Variants in SPATA7 observed in about 807,000 individuals in gnomAD.
SPATA7 encodes the protein spermatogenesis associated 7.
A neutral mutation model predicts 51.8 loss-of-function variants in SPATA7; 43 were observed. That is an observed-to-expected ratio of 0.83 (90% CI 0.65 to 1.07). The LOEUF (loss-of-function observed/expected upper bound fraction) is 1.07. SPATA7 is among the 50% of genes least tolerant of loss of function. The pLI is 0.00. For synonymous variants in SPATA7, 230 were observed against 252.8 expected, an observed-to-expected ratio of 0.91 and a Z score of 0.86; for missense variants, 683 against 701.3, an observed-to-expected ratio of 0.97 and a Z score of 0.30.
intron 5 of SPATA7, among the ~76,000 whole-genome samples, 194 bp from the exon 6 acceptor site, chr14:88,426,038 T>A (rs2076781428): frequency 6.6e-6 from 1 of 152,242 alleles, no homozygotes; most frequent in East Asian, 1.9e-4. Context: ...CTATTACTTA[T>A]ATTTGGAATT....
Position 88,385,664 on chromosome 14 carries a change from C to A in SPATA7, c.-155C>A. On this transcript the variant is annotated 5_prime_UTR_variant, in exon 1 of 12. Coordinates refer to ENST00000393545, the MANE Select transcript of SPATA7 (RefSeq NM_018418.5). ...ACGTCACAATAGCGACTCACTGGACCCAGCCCTTAGCAACGGCCTGGCAAC... is the reference window on the plus strand; with the variant it reads ...ACGTCACAATAGCGACTCACTGGACACAGCCCTTAGCAACGGCCTGGCAAC... 1 of 758,928 alleles carries A rather than the reference C, an allele frequency of 1.3e-6. No homozygotes were observed. Among genetic ancestry groups the A allele is most frequent in the Non-Finnish European group, 2.3e-6 (1 of 434,984 alleles). 47.0% of individuals were successfully genotyped at this position (758,928 alleles called of 1,614,324 possible).
Position 88,416,716 on chromosome 14 carries a change from G to A in SPATA7, c.244G>A (p.Asp82Asn). The A allele has an allele frequency of 6.2e-7, 1 of 1,612,990 alleles. No individual in the cohort carries two copies. Reference sequence around the variant, plus strand: ...AGATTTGTTTTCCCTTTTAGATGCAGACCAACAACGAAGAGAGAAACTCAA... The same window carrying A: ...AGATTTGTTTTCCCTTTTAGATGCAAACCAACAACGAAGAGAGAAACTCAA... Reference protein sequence around the residue: ...VSVSTSIKYADQQRREKLKKE... With the variant: ...VSVSTSIKYANQQRREKLKKE... Residue 82 changes from aspartate (D) to asparagine (N), a missense_variant, in exon 5 of 12, where the codon GAC becomes AAC. By Grantham distance (23) the Asp-to-Asn change is conservative. Coordinates refer to ENST00000393545, the MANE Select transcript of SPATA7 (RefSeq NM_018418.5).
At chr14:88,448,862 G>T (rs554111252) in intron 3 of SPATA7, among the ~76,000 whole-genome samples, 1 of 152,262 alleles carries the variant, frequency 6.6e-6, no homozygotes, top group East Asian at 1.9e-4. Flanking sequence ...CCAGCTGCGT[G>T]CTGGGAGAAC....
chr14:88,437,883 T>C lies in SPATA7; in HGVS notation c.1261T>C (p.Cys421Arg), dbSNP rs1404209679. 5.6e-6 allele frequency: 9 copies of C among 1,609,878 alleles called. No homozygotes were observed. Among genetic ancestry groups the C allele is most frequent in the Non-Finnish European group, 7.6e-6 (9 of 1,177,992 alleles). The change falls in exon 12 of 12, where the codon TGC (cysteine) becomes CGC (arginine). Residue 421 changes from cysteine to arginine, a missense_variant. Physicochemically the swap from Cys to Arg is radical, Grantham distance 180 (BLOSUM62 -3). Transcript: ENST00000393545. ...LLHVLKVDLG[C>R]TSEENSVKQN... is the part of the protein sequence containing the mutation. ...GCATGTCCTGAAAGTAGACTTAGGC[T>C]GCACATCGGAGGAAAACTCGGTAAA...
At chr14:88,388,838 A>G (rs2075657019) in intron 1 of SPATA7, among the ~76,000 whole-genome samples, 1 of 152,222 alleles carries the variant, frequency 6.6e-6, no homozygotes, top group African/African-American at 2.4e-5. Context: ...AGTTTCTCCC[A>G]AAGACTGGGG....
chr14:88,404,023 CT>C (rs2076139746), intron 4 of SPATA7, among the ~76,000 whole-genome samples: 1 of 148,648 alleles, frequency 6.7e-6, no homozygotes. Flanking sequence ...TACAGTTTGT[CT>C]GCTATACCTT....
chr14:88,431,257 A>G lies in SPATA7; in HGVS notation c.1082+32A>G, dbSNP rs376148770. On this transcript the variant is annotated intron_variant, in intron 9 of 11. Transcript: ENST00000393545. ...TCTTTTTTAAGTCTTCGTTTTGCAT[A>G]GTGGAATCAAGGATTAAGAATCAAA... 1.9e-6 allele frequency: 3 copies of G among 1,568,172 alleles called. No individual in the cohort carries two copies. In the African/African-American group the frequency reaches 4.1e-5, roughly 21 times the overall value.
At chr14:88,407,969 A>G (rs1214198517) in intron 4 of SPATA7, among the ~76,000 whole-genome samples, 1 of 151,932 alleles carries the variant, frequency 6.6e-6, no homozygotes, top group African/African-American at 2.4e-5. Flanking sequence ...TGGTCTATAT[A>G]TGTGTTTTGG....
intron 10 of SPATA7, among the ~76,000 whole-genome samples, chr14:88,433,641 G>A (rs2076997335): frequency 6.6e-6 from 1 of 152,144 alleles, no homozygotes; most frequent in African/African-American, 2.4e-5. Context: ...CACGCTGTAA[G>A]TTAAATGGAA....
rs2075741859 is a variant in SPATA7, at chr14:88,391,416, C to G, written c.55C>G (p.Pro19Ala). Reference protein sequence around the residue: ...ATSVLPRYGPPCLFKGHLSTK... With the variant: ...ATSVLPRYGPACLFKGHLSTK... ...CTCTGTCCTTCCCAGATATGGTCCACCGTGCCTATTTAAAGGACACTTGAG... is the reference window on the plus strand; with the variant it reads ...CTCTGTCCTTCCCAGATATGGTCCAGCGTGCCTATTTAAAGGACACTTGAG... Residue 19 changes from proline (P) to alanine (A), a missense_variant, in exon 2 of 12, where the codon CCG (proline) becomes GCG (alanine). Pro to Ala is a conservative substitution (Grantham distance 27). Transcript: ENST00000393545. 3 of 1,613,606 alleles carry G rather than the reference C, an allele frequency of 1.9e-6. No individual in the cohort carries two copies. The highest frequency in any genetic ancestry group is 2.2e-5 in the East Asian group (1 of 44,868).
At chr14:88,434,300 A>G (rs1457810744) in intron 10 of SPATA7, among the ~76,000 whole-genome samples, 1 of 152,214 alleles carries the variant, frequency 6.6e-6, no homozygotes, top group East Asian at 1.9e-4. Flanking sequence ...TGGAATATAT[A>G]TGAAATGTGA....
chr14:88,389,232 T>C (rs2075671994), intron 1 of SPATA7, among the ~76,000 whole-genome samples: 1 of 151,358 alleles, frequency 6.6e-6, no homozygotes, highest in Admixed American at 6.6e-5. Context: ...CCTTTCTCTT[T>C]CTTTTTTCTT....
chr14:88,419,044 T>C (rs1200839316), intron 5 of SPATA7, among the ~76,000 whole-genome samples: 3 of 152,336 alleles, frequency 2.0e-5, no homozygotes, highest in East Asian at 1.9e-4. Context: ...TAGTATTTGA[T>C]ATATAGTATA....
intron 4 of SPATA7, among the ~76,000 whole-genome samples, chr14:88,403,657 G>T (rs1027595354): frequency 3.3e-5 from 5 of 152,152 alleles, no homozygotes; most frequent in African/African-American, 1.2e-4. Context: ...ACTTGCCTGT[G>T]TCTGGATTAT....
chr14:88,449,990 C>T (rs1291510703), intron 3 of SPATA7, among the ~76,000 whole-genome samples: 1 of 152,006 alleles, frequency 6.6e-6, no homozygotes, highest in Non-Finnish European at 1.5e-5. Flanking sequence ...ATTACCATTT[C>T]AATCTTGCTG....
chr14:88,453,711 T>A (rs1042852865), intron 3 of SPATA7, among the ~76,000 whole-genome samples: 4 of 152,226 alleles, frequency 2.6e-5, no homozygotes, highest in Non-Finnish European at 5.9e-5. Context: ...AAATACCTAT[T>A]CACTCTTCAT....
At chr14:88,426,749 A>G in intron 6 of SPATA7, 45 bp downstream of exon 6, 1 of 1,484,062 alleles carries the variant, frequency 6.7e-7, no homozygotes, top group South Asian at 1.1e-5. Flanking sequence ...AGGAAATTAA[A>G]TGAAAATTAA....
chr14:88,464,486 T>G (rs894889632), intron 4 of SPATA7, among the ~76,000 whole-genome samples: 3 of 152,130 alleles, frequency 2.0e-5, no homozygotes, highest in Admixed American at 1.3e-4. Context: ...ATCCCAGCAC[T>G]TTGGGAGGCC....
At chr14:88,386,304 C>A (rs1210350103) in intron 1 of SPATA7, among the ~76,000 whole-genome samples, 1 of 152,110 alleles carries the variant, frequency 6.6e-6, no homozygotes, top group Non-Finnish European at 1.5e-5. Flanking sequence ...GATCCTGGCG[C>A]ATTTGAAGTG....
Sources: allele counts gnomAD v4.1 joint callset (sites outside exome capture counted in the v4.1 genomes callset), GRCh38; gene constraint gnomAD v4.1.1; transcripts MANE v1.5; gene names NCBI Gene and HGNC (gene_info 2026-07-23, HGNC 2026-07-21).